Variants in FAM53B observed in about 807,000 individuals in gnomAD.
FAM53B encodes the protein protein FAM53B.
Under a neutral mutation model 32.7 loss-of-function variants are expected in FAM53B, and 12 were observed. That is an observed-to-expected ratio of 0.37 (90% CI 0.24 to 0.59). FAM53B has a LOEUF of 0.59. Among genes scored for constraint, FAM53B ranks in the 20% least tolerant of loss-of-function variants. The pLI is 0.72. For synonymous variants in FAM53B, 234 were observed against 228.7 expected (o/e 1.02, Z -0.21); for missense variants, 477 against 577.7 (o/e 0.83, Z 1.79).
chr10:124,627,369 T>C (rs1018272974), intron 4 of FAM53B, among the ~76,000 whole-genome samples: 49 of 152,198 alleles, frequency 3.2e-4, no homozygotes, highest in African/African-American at 1.2e-3. Flanking sequence ...CACAGGCAAG[T>C]TGGAAGCCTG....
chr10:124,739,130 T>C (rs1419907653), intron 1 of FAM53B, among the ~76,000 whole-genome samples: 1 of 151,862 alleles, frequency 6.6e-6, no homozygotes, highest in Non-Finnish European at 1.5e-5. Context: ...TCTAGGTTTC[T>C]CTGTGGTGTT....
chr10:124,738,880 G>T lies in FAM53B; in HGVS notation c.-175+5133C>A, dbSNP rs187187034. Among the ~76,000 whole-genome samples, 3 of 152,228 alleles carry T rather than the reference G, an allele frequency of 2.0e-5. No individual in the cohort carries two copies. In the East Asian group the frequency reaches 5.8e-4, roughly 29 times the overall value. ...CTGAATAAATGGTGGTGTTTCCAGT[G>T]GGCTGCCAGGTTTACTTCCTGTTTC... On this transcript the variant is annotated intron_variant, in intron 1 of 4. Coordinates refer to ENST00000337318, the MANE Select transcript of FAM53B (RefSeq NM_014661.4).
At chr10:124,719,491 C>A (rs568163270) in intron 1 of FAM53B, among the ~76,000 whole-genome samples, 68 of 152,282 alleles carry the variant, frequency 4.5e-4, no homozygotes, top group Middle Eastern at 6.8e-3. Context: ...GAAGAGTTAA[C>A]CCAACTTCCA....
At chr10:124,701,737 G>A (rs983343050) in intron 2 of FAM53B, among the ~76,000 whole-genome samples, 1 of 152,164 alleles carries the variant, frequency 6.6e-6, no homozygotes, top group Non-Finnish European at 1.5e-5. Flanking sequence ...CATGGCTGCC[G>A]GCAGTGCAAG....
chr10:124,695,173 T>TTGAATCTGA (rs1336465955), intron 3 of FAM53B, among the ~76,000 whole-genome samples: 5 of 152,152 alleles, frequency 3.3e-5, no homozygotes, highest in African/African-American at 1.2e-4. Context: ...AAAGTAACCT[T>TTGAATCTGA]TGAATCTGAA....
At chr10:124,724,620 A>G (rs923758131) in intron 1 of FAM53B, among the ~76,000 whole-genome samples, 4 of 152,206 alleles carry the variant, frequency 2.6e-5, no homozygotes, top group African/African-American at 7.2e-5. Flanking sequence ...GGGGATTCTA[A>G]GAGGTCGTCC....
At chr10:124,710,835 G>A (rs922967473) in intron 1 of FAM53B, among the ~76,000 whole-genome samples, 16 of 152,094 alleles carry the variant, frequency 1.1e-4, no homozygotes, top group Admixed American at 1.3e-4. Flanking sequence ...CCCAGGGTCC[G>A]GGTTCAAAGC....
chr10:124,724,842 G>A (rs1564888806), intron 1 of FAM53B, among the ~76,000 whole-genome samples: 2 of 152,168 alleles, frequency 1.3e-5, no homozygotes, highest in Non-Finnish European at 2.9e-5. Context: ...AGACTCCCGA[G>A]TTACAAATAT....
At chr10:124,665,509 T>G (rs2134059343) in intron 4 of FAM53B, among the ~76,000 whole-genome samples, 1 of 152,298 alleles carries the variant, frequency 6.6e-6, no homozygotes, top group South Asian at 2.1e-4. Flanking sequence ...CAGGCAGAAC[T>G]CAAAACGTGC....
At chr10:124,727,291 G>A (rs569994027) in intron 1 of FAM53B, among the ~76,000 whole-genome samples, 1 of 124,888 alleles carries the variant, frequency 8.0e-6, no homozygotes, top group South Asian at 2.9e-4. Flanking sequence ...GGCACTTGTA[G>A]ATAAGAAGAT....
At chr10:124,666,023 G>A (rs1303143239) in intron 4 of FAM53B, among the ~76,000 whole-genome samples, 3 of 152,224 alleles carry the variant, frequency 2.0e-5, no homozygotes, top group African/African-American at 7.2e-5. Flanking sequence ...CCCTGGCACA[G>A]GCAGTTGTAT....
At chr10:124,722,963 G>C (rs1017353800) in intron 1 of FAM53B, among the ~76,000 whole-genome samples, 1 of 152,196 alleles carries the variant, frequency 6.6e-6, no homozygotes, top group Non-Finnish European at 1.5e-5. Flanking sequence ...TCTCAGGCTA[G>C]AACTTGCCAC....
chr10:124,647,639 A>C (rs924713145), intron 4 of FAM53B, among the ~76,000 whole-genome samples: 3 of 152,212 alleles, frequency 2.0e-5, no homozygotes, highest in African/African-American at 7.2e-5. Flanking sequence ...TGTCACAGCT[A>C]GGAAGCAGCA....
At chr10:124,684,854 GAC>G (rs1459077611) in intron 3 of FAM53B, among the ~76,000 whole-genome samples, 1 of 152,118 alleles carries the variant, frequency 6.6e-6, no homozygotes, top group Admixed American at 6.5e-5. Context: ...AACTCTTGTT[GAC>G]ACAGTCACAA....
At chr10:124,741,226 G>A (rs534464680) in intron 1 of FAM53B, among the ~76,000 whole-genome samples, 2 of 152,300 alleles carry the variant, frequency 1.3e-5, no homozygotes, top group South Asian at 4.1e-4. Flanking sequence ...AGAGGTGTGC[G>A]TGGTGGTGGT....
intron 4 of FAM53B, among the ~76,000 whole-genome samples, chr10:124,634,224 AAAAG>A (rs1489579836): frequency 2.0e-5 from 3 of 152,244 alleles, no homozygotes; most frequent in Admixed American, 6.5e-5. Context: ...TTTGGCCATA[AAAAG>A]AAAGGAGATA....
At chr10:124,688,229 G>GC (rs905102597) in intron 3 of FAM53B, among the ~76,000 whole-genome samples, 15 of 152,166 alleles carry the variant, frequency 9.9e-5, no homozygotes, top group African/African-American at 2.9e-4. Context: ...ACGCAGAAGG[G>GC]CCCCCCATCC....
intron 1 of FAM53B, among the ~76,000 whole-genome samples, chr10:124,712,937 C>T (rs1435500888): frequency 1.3e-5 from 2 of 152,246 alleles, no homozygotes; most frequent in East Asian, 3.9e-4. Flanking sequence ...AAGTCCTCAC[C>T]CCAAGAGTGC....
chr10:124,691,852 C>T (rs937347877), intron 3 of FAM53B, among the ~76,000 whole-genome samples: 1 of 152,206 alleles, frequency 6.6e-6, no homozygotes, highest in African/African-American at 2.4e-5. Flanking sequence ...CCCGCTTCTC[C>T]CCACACAGGA....
Sources: allele counts gnomAD v4.1 joint callset (sites outside exome capture counted in the v4.1 genomes callset), GRCh38; gene constraint gnomAD v4.1.1; transcripts MANE v1.5; gene names NCBI Gene and HGNC (gene_info 2026-07-23, HGNC 2026-07-21).